The following COLEC12 variants were observed in gnomAD, a reference collection of about 807,000 sequenced individuals.
The protein encoded by COLEC12 is collectin subfamily member 12.
A neutral mutation model predicts 71.1 loss-of-function variants in COLEC12; 33 were observed. The observed-to-expected ratio is 0.46, with a 90% confidence interval of 0.35 to 0.62. The LOEUF (loss-of-function observed/expected upper bound fraction) is 0.62. COLEC12 is among the 20% of genes least tolerant of loss of function. The pLI, the probability that COLEC12 is intolerant of heterozygous loss-of-function variation, is 0.00. For missense variants in COLEC12, 765 were observed against 916.1 expected, an observed-to-expected ratio of 0.84 and a Z score of 2.13; for synonymous variants, 350 against 353.0, an observed-to-expected ratio of 0.99 and a Z score of 0.10.
rs1359742548 is a variant in COLEC12 at position 327,678 on chromosome 18, CCCT to C, written c.2063+3987_2063+3989del. The stretch of plus-strand genomic sequence containing the variant: ...AGACGCAGAGGAGAGAGCCTTTTAT[CCCT>C]CGTCTATTTGCTCTTTAACAGTAAC... On this transcript the variant is annotated intron_variant, in intron 8 of 9. Coordinates refer to ENST00000400256, the MANE Select transcript of COLEC12 (RefSeq NM_130386.3). This position sits in a 1 kb window ranked among gnomAD's most constrained non-coding sequence, Gnocchi z 4.0. Among the ~76,000 whole-genome samples, 4 of 152,250 alleles carry C rather than the reference CCCT, an allele frequency of 2.6e-5. No individual in the cohort carries two copies. The highest frequency in any genetic ancestry group is 9.6e-5 in the African/African-American group (4 of 41,540).
At chr18:457,619 G>A (rs1446282182) in intron 2 of COLEC12, among the ~76,000 whole-genome samples, 2 of 152,154 alleles carry the variant, frequency 1.3e-5, no homozygotes, top group Non-Finnish European at 2.9e-5. Flanking sequence ...GAGCAGTTGC[G>A]AAATGGATGC....
intron 1 of COLEC12, among the ~76,000 whole-genome samples, chr18:494,010 G>A (rs891696353): frequency 5.9e-5 from 9 of 152,024 alleles, no homozygotes; most frequent in Non-Finnish European, 1.2e-4. Flanking sequence ...GTGCTCCTAG[G>A]TAATCTAAAT....
At chr18:494,564 C>T (rs1343847876) in intron 1 of COLEC12, among the ~76,000 whole-genome samples, 2 of 152,178 alleles carry the variant, frequency 1.3e-5, no homozygotes, top group African/African-American at 4.8e-5. Flanking sequence ...GCCCACACTC[C>T]TCGCCCAGCA....
chr18:453,424 A>T (rs537106207), intron 2 of COLEC12, among the ~76,000 whole-genome samples: 2 of 152,284 alleles, frequency 1.3e-5, no homozygotes, highest in African/African-American at 4.8e-5. Context: ...CAGCATCCCC[A>T]CCCTCAGCTA....
intron 9 of COLEC12, 74 bp from the exon 10 acceptor site, chr18:320,138 A>G: frequency 2.3e-6 from 2 of 856,126 alleles, no homozygotes; most frequent in Non-Finnish European, 3.9e-6. Context: ...AAAAAAAGGG[A>G]ACGTGTATTT....
chr18:321,838 T>C (rs1297822025), intron 8 of COLEC12, 31 bp from the exon 9 acceptor site: 1 of 1,605,502 alleles, frequency 6.2e-7, no homozygotes, highest in Non-Finnish European at 8.5e-7. Context: ...GAATGTTATT[T>C]GCACAGTAAT....
chr18:400,216 G>A (rs541559540), intron 2 of COLEC12, among the ~76,000 whole-genome samples: 1 of 152,230 alleles, frequency 6.6e-6, no homozygotes, highest in Non-Finnish European at 1.5e-5. Flanking sequence ...TGAAGCCCAG[G>A]TGTGCTCTAA....
In COLEC12 at chr18:319,854, G is replaced by A. The variant is rs1385269811; in HGVS notation, c.*191C>T. On this transcript the variant is annotated 3_prime_UTR_variant, in exon 10 of 10. Transcript: ENST00000400256. The stretch of plus-strand genomic sequence containing the variant: ...ACAATGAAAATCAGCATATCACCCT[G>A]GGGAACATTTTAGTTCCCAAGTCTT... The A allele has an allele frequency of 6.7e-6, 4 of 598,410 alleles. No homozygotes were observed. In the East Asian group the frequency reaches 1.3e-4, roughly 19 times the overall value. The allele number at this position is 598,410 out of a possible 1,614,324, so 37.1% of individuals were successfully genotyped here. A position where few individuals can be genotyped will look rare whatever the true frequency, so the allele number is the denominator to read the frequency against.
intron 1 of COLEC12, among the ~76,000 whole-genome samples, chr18:482,836 C>T (rs1917449110): frequency 6.6e-6 from 1 of 151,860 alleles, no homozygotes. Context: ...TGGTCTCGAA[C>T]TCCTGACCTC....
In COLEC12 at chr18:423,534, T is replaced by C. The variant is rs556938460; in HGVS notation, c.58+57173A>G. Among the ~76,000 whole-genome samples, 9 of 152,320 alleles carry C rather than the reference T, an allele frequency of 5.9e-5. No individual in the cohort carries two copies. In the South Asian group the frequency reaches 1.9e-3, roughly 32 times the overall value. ...TATCAGGTGCCATGATGATAGTTGT[T>C]CAAATACTAGCCTTCCCAGTATCAG... On this transcript the variant is annotated intron_variant, in intron 2 of 9. Coordinates refer to ENST00000400256, the MANE Select transcript of COLEC12 (RefSeq NM_130386.3).
intron 2 of COLEC12, among the ~76,000 whole-genome samples, chr18:395,317 A>C (rs1425119711): frequency 1.3e-5 from 2 of 152,072 alleles, no homozygotes; most frequent in African/African-American, 4.8e-5. Flanking sequence ...TTTAGTTGAG[A>C]GTGTTATGAG....
rs1271730258 is a variant in COLEC12 at position 346,689 on chromosome 18, C to T, written c.933G>A (p.Leu311=). The T allele has an allele frequency of 1.2e-6, 2 of 1,614,086 alleles. No individual in the cohort carries two copies. The highest frequency in any genetic ancestry group is 1.3e-5 in the African/African-American group (1 of 74,940). The change falls in exon 5 of 10, where the codon CTG becomes CTA. Residue 311 remains leucine, a synonymous_variant. Coordinates refer to ENST00000400256, the MANE Select transcript of COLEC12 (RefSeq NM_130386.3). The surrounding 1 kb of genome is among the most constrained non-coding windows in gnomAD (Gnocchi z 4.0). ...TTISQANEQN[L]KDLQDLHKDA... The stretch of plus-strand genomic sequence containing the variant: ...CTTTGTGTAAGTCCTGCAGGTCTTT[C>T]AGGTTCTGCTCGTTGGCTTGAGAGA...
chr18:477,646 T>C (rs1017759321), intron 2 of COLEC12, among the ~76,000 whole-genome samples: 1 of 152,222 alleles, frequency 6.6e-6, no homozygotes, highest in Non-Finnish European at 1.5e-5. Flanking sequence ...GGGAGAGTGA[T>C]AATACAGTCC....
chr18:345,712 A>T (rs1914356032), intron 5 of COLEC12, among the ~76,000 whole-genome samples: 1 of 152,228 alleles, frequency 6.6e-6, no homozygotes, highest in Admixed American at 6.5e-5. Flanking sequence ...AGGACCAAGA[A>T]AATTCAAATT....
intron 2 of COLEC12, among the ~76,000 whole-genome samples, chr18:434,072 G>T (rs1916357683): frequency 6.6e-6 from 1 of 151,736 alleles, no homozygotes; most frequent in Admixed American, 6.6e-5. Flanking sequence ...ACCCTGCAAA[G>T]TCTACTATAA....
chr18:430,858 G>A (rs1370229664), intron 2 of COLEC12, among the ~76,000 whole-genome samples: 1 of 152,012 alleles, frequency 6.6e-6, no homozygotes, highest in Admixed American at 6.6e-5. Flanking sequence ...AACCCAAGGG[G>A]CCACAATTTT....
intron 2 of COLEC12, among the ~76,000 whole-genome samples, chr18:420,135 C>A (rs1916068265): frequency 6.6e-6 from 1 of 152,166 alleles, no homozygotes; most frequent in Non-Finnish European, 1.5e-5. Flanking sequence ...GCTGTACAGT[C>A]TGAATTCCTG....
At position 408,307 on chromosome 18, in the gene COLEC12, A is replaced by T. The variant is rs1175287408; in HGVS notation, c.59-50785T>A. Among the ~76,000 whole-genome samples, 2 of 152,200 alleles carry T rather than the reference A, an allele frequency of 1.3e-5. No individual in the cohort carries two copies. The highest frequency in any genetic ancestry group is 2.9e-5 in the Non-Finnish European group (2 of 68,034). ...CAGTGCCTGGCCCCTGATACCTGCA[A>T]ATGTCAGTCTCTTTTTCCTAACTCA... On this transcript the variant is annotated intron_variant, in intron 2 of 9. Coordinates refer to ENST00000400256, the MANE Select transcript of COLEC12 (RefSeq NM_130386.3). The surrounding 1 kb of genome is among the most constrained non-coding windows in gnomAD (Gnocchi z 4.3).
chr18:379,394 C>T (rs1011756190), intron 2 of COLEC12, among the ~76,000 whole-genome samples: 2 of 151,988 alleles, frequency 1.3e-5, no homozygotes, highest in Non-Finnish European at 2.9e-5. Context: ...CCCAAAATGC[C>T]GGGATTACAA....
Sources: gnomAD v4.1 joint callset for allele counts (sites outside exome capture counted in the v4.1 genomes callset) on GRCh38, gnomAD v4.1.1 for gene constraint, Gnocchi (gnomAD v3.1) non-coding constraint, MANE v1.5 for transcripts, NCBI Gene and HGNC (gene_info 2026-07-23, HGNC 2026-07-21) for gene names.